UVRAG: variants seen among roughly 807,000 people sequenced by gnomAD.
The protein encoded by UVRAG is UV radiation resistance associated.
UVRAG carries 19 observed loss-of-function variants against 78.0 expected under a neutral mutation model. That is an observed-to-expected ratio of 0.24 (90% CI 0.17 to 0.36). The LOEUF (loss-of-function observed/expected upper bound fraction) is 0.36, where lower values mean the gene tolerates loss of function less well. Ranked by LOEUF, UVRAG falls within the 10% of genes least tolerant of loss-of-function variation. The pLI is 1.00. For missense variants in UVRAG, 740 were observed against 853.8 expected (o/e 0.87, Z 1.66); for synonymous variants, 323 against 324.6 (o/e 1.00, Z 0.05).
intron 6 of UVRAG, among the ~76,000 whole-genome samples, chr11:75,928,939 C>CA (rs368913080): frequency 0.018 from 1,243 of 67,470 alleles, 237 homozygotes; most frequent in African/African-American, 0.073. Flanking sequence ...GAGACTGTCT[C>CA]AAAAAAAAAA....
intron 1 of UVRAG, among the ~76,000 whole-genome samples, chr11:75,850,171 CA>C (rs1440133459): frequency 6.6e-6 from 1 of 152,196 alleles, no homozygotes; most frequent in African/African-American, 2.4e-5. Flanking sequence ...GGGGAGTTTG[CA>C]AAGGGTGTAG....
chr11:75,890,767 A>G (rs1274065666), intron 5 of UVRAG, among the ~76,000 whole-genome samples: 6 of 152,170 alleles, frequency 3.9e-5, no homozygotes, highest in African/African-American at 1.4e-4. Context: ...GCAGTACTGT[A>G]GGAAGAAAGG....
At chr11:76,019,904 C>T (rs1242815785) in intron 12 of UVRAG, among the ~76,000 whole-genome samples, 1 of 152,198 alleles carries the variant, frequency 6.6e-6, no homozygotes, top group Non-Finnish European at 1.5e-5. Flanking sequence ...AGGATTGTGT[C>T]CTTCCCTTCA....
intron 1 of UVRAG, among the ~76,000 whole-genome samples, chr11:75,818,466 G>T (rs1220715848): frequency 2.0e-5 from 3 of 151,068 alleles, no homozygotes; most frequent in Non-Finnish European, 2.9e-5. Flanking sequence ...TCCCGTACTA[G>T]TTGGCAAGGT....
intron 6 of UVRAG, among the ~76,000 whole-genome samples, chr11:75,919,137 A>G (rs1565379598): frequency 6.6e-6 from 1 of 152,244 alleles, no homozygotes; most frequent in Non-Finnish European, 1.5e-5. Flanking sequence ...TGTTTAGAGA[A>G]GAGATGGGAT....
At chr11:75,897,315 C>T (rs1169035574) in intron 5 of UVRAG, among the ~76,000 whole-genome samples, 1 of 152,114 alleles carries the variant, frequency 6.6e-6, no homozygotes, top group Non-Finnish European at 1.5e-5. Flanking sequence ...AATCACTTAA[C>T]TTCTCTCAGT....
At chr11:75,965,992 A>G (rs1460256510) in intron 7 of UVRAG, among the ~76,000 whole-genome samples, 1 of 152,126 alleles carries the variant, frequency 6.6e-6, no homozygotes, top group Non-Finnish European at 1.5e-5. Context: ...TTCTCTGTTA[A>G]ATATAGTGCT....
chr11:75,878,621 G>A, intron 3 of UVRAG: 1 of 156,968 alleles, frequency 6.4e-6, no homozygotes, highest in Non-Finnish European at 1.4e-5. Flanking sequence ...CACCTCCGGA[G>A]GCCGAGGCTG....
intron 6 of UVRAG, among the ~76,000 whole-genome samples, chr11:75,952,356 G>A (rs532163318): frequency 6.6e-6 from 1 of 151,962 alleles, no homozygotes; most frequent in African/African-American, 2.4e-5. Flanking sequence ...CCTTGTTTTT[G>A]ATTGTAAGTA....
intron 12 of UVRAG, among the ~76,000 whole-genome samples, chr11:76,049,747 G>A (rs1950826601): frequency 6.6e-6 from 1 of 152,336 alleles, no homozygotes; most frequent in East Asian, 1.9e-4. Context: ...TACAGCATCA[G>A]TAAGGACTTC....
chr11:76,079,831 A>G (rs1454323601), intron 13 of UVRAG, among the ~76,000 whole-genome samples: 4 of 152,264 alleles, frequency 2.6e-5, no homozygotes, highest in African/African-American at 9.6e-5. Flanking sequence ...TATGTTTATC[A>G]TAACTGAAAA....
intron 13 of UVRAG, among the ~76,000 whole-genome samples, chr11:76,104,058 C>G: frequency 6.6e-6 from 1 of 152,094 alleles, no homozygotes; most frequent in South Asian, 2.1e-4. Context: ...TTAGACTGTG[C>G]GCTGCAGTGT....
intron 13 of UVRAG, among the ~76,000 whole-genome samples, chr11:76,084,129 A>G (rs1181751896): frequency 3.3e-5 from 5 of 152,208 alleles, no homozygotes; most frequent in East Asian, 1.9e-4. Flanking sequence ...CATTTGCTTT[A>G]TAGTAATTCC....
Position 76,106,648 on chromosome 11 carries a change from G to T in UVRAG, c.1306-9276G>T, listed in dbSNP as rs184703690. Among the ~76,000 whole-genome samples, 3 of 152,220 alleles carry T rather than the reference G, an allele frequency of 2.0e-5. No homozygotes were observed. The South Asian group carries it at 6.2e-4, about 32-fold the overall frequency. Reference sequence around the variant, plus strand: ...CTCCCAAAGTGCTGGGATTACAAGCGTGAGCCACCATACCCAGCCTCAGAA... The same window carrying T: ...CTCCCAAAGTGCTGGGATTACAAGCTTGAGCCACCATACCCAGCCTCAGAA... On this transcript the variant is annotated intron_variant, in intron 13 of 14. Transcript: ENST00000356136.
intron 7 of UVRAG, among the ~76,000 whole-genome samples, chr11:75,974,117 G>C: frequency 6.6e-6 from 1 of 152,130 alleles, no homozygotes; most frequent in East Asian, 1.9e-4. Flanking sequence ...CTAGATCCTT[G>C]AGGAATTGCC....
rs528610765 is a variant in UVRAG, at chr11:76,134,391, A to G, written c.1398-6320A>G. Among the ~76,000 whole-genome samples, 5 of 151,924 alleles carry G rather than the reference A, an allele frequency of 3.3e-5. No individual in the cohort carries two copies. The East Asian group carries it at 9.7e-4, about 29-fold the overall frequency. ...TGATCCTCCCACCTCAGCCTCCCTA[A>G]GTGCTGGGACTACAGACATAAGCCA... On this transcript the variant is annotated intron_variant, in intron 14 of 14. Coordinates refer to ENST00000356136, the MANE Select transcript of UVRAG (RefSeq NM_003369.4).
intron 2 of UVRAG, among the ~76,000 whole-genome samples, chr11:75,860,333 C>G (rs986056836): frequency 3.3e-5 from 5 of 152,218 alleles, no homozygotes; most frequent in African/African-American, 1.2e-4. Flanking sequence ...AATTTAGACA[C>G]TTTGCAGATT....
chr11:75,919,610 A>G (rs573190501), intron 6 of UVRAG, among the ~76,000 whole-genome samples: 61 of 152,320 alleles, frequency 4.0e-4, no homozygotes, highest in African/African-American at 1.4e-3. Context: ...AGAGGAGGAG[A>G]AACAGTTCAC....
chr11:75,869,932 T>C (rs1946615381), intron 3 of UVRAG, among the ~76,000 whole-genome samples: 1 of 152,212 alleles, frequency 6.6e-6, no homozygotes, highest in South Asian at 2.1e-4. Context: ...TGTGGGTGTG[T>C]GGTAGACAGT....
Sources: gnomAD v4.1 joint callset for allele counts (sites outside exome capture counted in the v4.1 genomes callset) on GRCh38, gnomAD v4.1.1 for gene constraint, MANE v1.5 for transcripts, NCBI Gene and HGNC (gene_info 2026-07-23, HGNC 2026-07-21) for gene names.